TECR: variants seen among roughly 807,000 people sequenced by gnomAD.
TECR encodes the protein trans-2,3-enoyl-CoA reductase, also known as very-long-chain enoyl-CoA reductase.
Under a neutral mutation model 50.6 loss-of-function variants are expected in TECR, and 19 were observed. That is an observed-to-expected ratio of 0.38 (90% CI 0.26 to 0.55). TECR has a LOEUF of 0.55. Among genes scored for constraint, TECR ranks in the 20% least tolerant of loss-of-function variants. The pLI, the probability that TECR is intolerant of heterozygous loss-of-function variation, is 0.79. For synonymous variants in TECR, 168 were observed against 163.5 expected, an observed-to-expected ratio of 1.03 and a Z score of -0.21; for missense variants, 313 against 408.3, an observed-to-expected ratio of 0.77 and a Z score of 2.01.
intron 1 of TECR, among the ~76,000 whole-genome samples, chr19:14,540,524 T>A (rs575753787): frequency 1.6e-4 from 25 of 152,136 alleles, no homozygotes; most frequent in Non-Finnish European, 3.5e-4. Flanking sequence ...CCCGAGTAGC[T>A]GGGATTACTG....
chr19:14,546,458 G>A (rs141518165), intron 1 of TECR, among the ~76,000 whole-genome samples: 218 of 152,226 alleles, frequency 1.4e-3, no homozygotes, highest in African/African-American at 5.0e-3. Flanking sequence ...GCAGTGGCAC[G>A]TGTCTGTAAT....
intron 7 of TECR, 134 bp from the exon 8 acceptor site, chr19:14,564,652 T>TC: frequency 1.3e-6 from 1 of 745,708 alleles, no homozygotes; most frequent in Admixed American, 2.3e-5. Flanking sequence ...GCCCCGCCTA[T>TC]CCTCCCCAGC....
At chr19:14,564,749 C>T (rs1189886323) in intron 7 of TECR, 37 bp from the exon 8 acceptor site, 1 of 1,593,270 alleles carries the variant, frequency 6.3e-7, no homozygotes, top group Admixed American at 1.7e-5. Flanking sequence ...TTGTCCGGTG[C>T]TGGCCCAAGT....
chr19:14,562,065 G>A, intron 1 of TECR: 2 of 384,622 alleles, frequency 5.2e-6, no homozygotes, highest in Non-Finnish European at 9.6e-6. Context: ...CCACTCAAAA[G>A]CTGCTTTCAG....
intron 1 of TECR, chr19:14,544,993 C>T (rs2073250612): frequency 7.1e-6 from 3 of 424,108 alleles, no homozygotes; most frequent in Non-Finnish European, 4.8e-6. Flanking sequence ...CCTTTTCACT[C>T]CTTCCCTTCT....
chr19:14,560,218 G>C (rs928265417), intron 1 of TECR, among the ~76,000 whole-genome samples: 7 of 152,198 alleles, frequency 4.6e-5, no homozygotes, highest in African/African-American at 2.4e-5. Context: ...TGCCCAGGTT[G>C]GGGGGAGCAG....
intron 1 of TECR, among the ~76,000 whole-genome samples, chr19:14,538,292 C>G (rs924497880): frequency 6.6e-6 from 1 of 152,020 alleles, no homozygotes; most frequent in African/African-American, 2.4e-5. Flanking sequence ...CCCACTCTGT[C>G]CTTGGGACAG....
intron 1 of TECR, among the ~76,000 whole-genome samples, chr19:14,533,770 G>T (rs2072760301): frequency 6.6e-6 from 1 of 152,158 alleles, no homozygotes; most frequent in Non-Finnish European, 1.5e-5. Flanking sequence ...TCTCTAGAAC[G>T]GGTCACCTCC....
rs2074043089 is a variant in TECR, at chr19:14,565,306, A to ACC, written c.753+19_753+20dup. The ACC allele has an allele frequency of 6.2e-7, 1 of 1,611,554 alleles. No individual in the cohort carries two copies. Among genetic ancestry groups the ACC allele is most frequent in the South Asian group, 1.1e-5 (1 of 91,002 alleles). On this transcript the variant is annotated intron_variant, in intron 11 of 12. Transcript: ENST00000215567. ...CACCTACGAGGTGAGGGGCTGCCTT[A>ACC]CCCCTCTCTGCCCTGGGACTTGGGG... is the stretch of plus-strand genomic sequence containing the variant.
At chr19:14,529,452 G>A, upstream of TECR, 11 of 638,278 alleles carry the variant, frequency 1.7e-5, no homozygotes, top group South Asian at 1.9e-4. Context: ...GGTCTCGCAA[G>A]TTGATTGGTC....
intron 1 of TECR, among the ~76,000 whole-genome samples, chr19:14,548,337 C>A (rs148674874): frequency 6.6e-6 from 1 of 152,140 alleles, no homozygotes; most frequent in East Asian, 1.9e-4. Flanking sequence ...TTCCCCACCC[C>A]CTTGGTGGCA....
chr19:14,530,191 G>T (rs2072576389), intron 1 of TECR: 1 of 188,198 alleles, frequency 5.3e-6, no homozygotes, highest in Admixed American at 5.4e-5. Flanking sequence ...AGGCGGTGAG[G>T]GAGGTGCAGC....
At chr19:14,541,580 G>A (rs1016706051) in intron 1 of TECR, among the ~76,000 whole-genome samples, 3 of 152,098 alleles carry the variant, frequency 2.0e-5, no homozygotes, top group Non-Finnish European at 2.9e-5. Context: ...CACATTCTCT[G>A]TCCTCAAGAT....
At chr19:14,543,061 C>G in intron 1 of TECR, among the ~76,000 whole-genome samples, 1 of 123,140 alleles carries the variant, frequency 8.1e-6, no homozygotes, top group Non-Finnish European at 1.6e-5. Flanking sequence ...GGCTTGTCCT[C>G]AGGGTGGGGT....
intron 1 of TECR, among the ~76,000 whole-genome samples, chr19:14,540,976 A>C (rs12975703): frequency 0.2 from 30,495 of 151,878 alleles, 3,428 homozygotes; most frequent in African/African-American, 0.3. Context: ...CTGGGACTAC[A>C]GGCCACACGC....
At chr19:14,537,574 G>A (rs1459134207) in intron 1 of TECR, among the ~76,000 whole-genome samples, 3 of 152,072 alleles carry the variant, frequency 2.0e-5, no homozygotes, top group Non-Finnish European at 4.4e-5. Context: ...CGTGAGAAAG[G>A]CCAGAGACCT....
At chr19:14,561,510 A>G (rs1377924989) in intron 1 of TECR, among the ~76,000 whole-genome samples, 1 of 152,068 alleles carries the variant, frequency 6.6e-6, no homozygotes, top group African/African-American at 2.4e-5. Flanking sequence ...CTCCTACCTC[A>G]GGGGCTGGCA....
At chr19:14,561,563 G>A (rs2073903525) in intron 1 of TECR, among the ~76,000 whole-genome samples, 1 of 152,168 alleles carries the variant, frequency 6.6e-6, no homozygotes, top group Admixed American at 6.5e-5. Context: ...GCTTTAGTGG[G>A]GCGCAGGTCC....
At chr19:14,551,198 G>A (rs1185909463) in intron 1 of TECR, among the ~76,000 whole-genome samples, 2 of 151,700 alleles carry the variant, frequency 1.3e-5, no homozygotes, top group African/African-American at 4.8e-5. Context: ...TCAGGCTCCT[G>A]AGTAGCTGGG....
Sources: allele counts gnomAD v4.1 joint callset (sites outside exome capture counted in the v4.1 genomes callset), GRCh38; gene constraint gnomAD v4.1.1; transcripts MANE v1.5; gene names NCBI Gene and HGNC (gene_info 2026-07-23, HGNC 2026-07-21).